Variants in AFTPH observed in about 807,000 individuals in gnomAD.
AFTPH encodes the protein aftiphilin.
AFTPH carries 7 observed loss-of-function variants against 72.5 expected under a neutral mutation model. That is an observed-to-expected ratio of 0.10 (90% CI 0.05 to 0.18). The LOEUF (loss-of-function observed/expected upper bound fraction) is 0.18. Among genes scored for constraint, AFTPH ranks in the 10% least tolerant of loss-of-function variants. The pLI, the probability that AFTPH is intolerant of heterozygous loss-of-function variation, is 1.00. For missense variants in AFTPH, 979 were observed against 1,060.5 expected, an observed-to-expected ratio of 0.92 and a Z score of 1.07; for synonymous variants, 337 against 370.1, an observed-to-expected ratio of 0.91 and a Z score of 1.03.
chr2:64,565,935 A>C (rs1672061477), intron 2 of AFTPH, among the ~76,000 whole-genome samples: 3 of 152,206 alleles, frequency 2.0e-5, no homozygotes, highest in Non-Finnish European at 4.4e-5. Flanking sequence ...ACATTGCCCA[A>C]GTGGTTGGAT....
chr2:64,587,552 A>G (rs759554298), intron 8 of AFTPH, among the ~76,000 whole-genome samples: 1 of 152,250 alleles, frequency 6.6e-6, no homozygotes, highest in Non-Finnish European at 1.5e-5. Context: ...AAGCTCAGCA[A>G]AATCTTCTTG....
intron 8 of AFTPH, among the ~76,000 whole-genome samples, chr2:64,590,681 C>T (rs1185297722): frequency 6.6e-6 from 1 of 152,168 alleles, no homozygotes; most frequent in Non-Finnish European, 1.5e-5. Flanking sequence ...GTACTGAATG[C>T]AGTATTTGGT....
At chr2:64,579,568 C>T (rs1289586348) in intron 7 of AFTPH, 22 bp downstream of exon 7, 1 of 1,605,002 alleles carries the variant, frequency 6.2e-7, no homozygotes, top group Non-Finnish European at 8.5e-7. Context: ...CGTAGAGCCT[C>T]TAGCACCAGA....
chr2:64,533,190 G>T (rs1227814214), intron 1 of AFTPH, among the ~76,000 whole-genome samples: 1 of 152,088 alleles, frequency 6.6e-6, no homozygotes, highest in Non-Finnish European at 1.5e-5. Flanking sequence ...TTGAGCTCCA[G>T]AGTTTGAGAC....
intron 5 of AFTPH, among the ~76,000 whole-genome samples, chr2:64,570,128 T>G (rs1369037797): frequency 6.6e-6 from 1 of 152,204 alleles, no homozygotes; most frequent in Non-Finnish European, 1.5e-5. Flanking sequence ...GGACTCATAA[T>G]GGGTTCTTAG....
chr2:64,579,385 T>C (rs1573034964), intron 6 of AFTPH, 101 bp from the exon 7 acceptor site: 2 of 831,942 alleles, frequency 2.4e-6, no homozygotes, highest in African/African-American at 3.4e-5. Flanking sequence ...CTTTAGGTAC[T>C]TTGTTGCCTA....
intron 8 of AFTPH, among the ~76,000 whole-genome samples, chr2:64,591,410 G>A (rs1673816535): frequency 6.6e-6 from 1 of 152,256 alleles, no homozygotes; most frequent in Non-Finnish European, 1.5e-5. Context: ...CCCCACTGGG[G>A]ATAAAGAGAG....
chr2:64,537,724 T>C (rs2103838230), intron 1 of AFTPH, among the ~76,000 whole-genome samples: 1 of 152,362 alleles, frequency 6.6e-6, no homozygotes, highest in East Asian at 1.9e-4. Flanking sequence ...GAAGGTAGTA[T>C]GAATTTGAAA....
At chr2:64,547,017 C>G (rs1268732133) in intron 1 of AFTPH, among the ~76,000 whole-genome samples, 2 of 152,132 alleles carry the variant, frequency 1.3e-5, no homozygotes, top group African/African-American at 2.4e-5. Flanking sequence ...CCACTGCACT[C>G]CAGCCTGGGC....
chr2:64,537,159 A>G (rs1401383056), intron 1 of AFTPH, among the ~76,000 whole-genome samples: 1 of 152,166 alleles, frequency 6.6e-6, no homozygotes, highest in Non-Finnish European at 1.5e-5. Context: ...ACTGGAATCA[A>G]TACTTTGTGG....
intron 2 of AFTPH, among the ~76,000 whole-genome samples, chr2:64,555,817 C>G (rs568248292): frequency 6.6e-6 from 1 of 152,088 alleles, no homozygotes; most frequent in Admixed American, 6.6e-5. Context: ...TCGTTCTTAC[C>G]CTGCTGTTGT....
At chr2:64,592,134 AAT>A in exon 9 of AFTPH, 3 of 1,232,590 alleles carry the variant, frequency 2.4e-6, no homozygotes, top group Non-Finnish European at 3.3e-6. Flanking sequence ...AAAAAAAAAA[AAT>A]TCAAGTTCAG....
intron 1 of AFTPH, among the ~76,000 whole-genome samples, chr2:64,550,913 A>G (rs551741915): frequency 6.6e-6 from 1 of 152,320 alleles, no homozygotes; most frequent in Non-Finnish European, 1.5e-5. Flanking sequence ...AACTATTTCA[A>G]ATTATTAAGT....
intron 1 of AFTPH, 150 bp from the exon 2 acceptor site, chr2:64,551,293 A>C: frequency 9.8e-6 from 6 of 612,306 alleles, no homozygotes; most frequent in Non-Finnish European, 1.6e-5. Flanking sequence ...AAAAGATACA[A>C]AACATCATGC....
chr2:64,540,902 A>G (rs911413426), intron 1 of AFTPH, among the ~76,000 whole-genome samples: 6 of 152,032 alleles, frequency 3.9e-5, no homozygotes, highest in Non-Finnish European at 8.8e-5. Context: ...TTCCCCTTCC[A>G]AGTTACTTGG....
intron 1 of AFTPH, among the ~76,000 whole-genome samples, chr2:64,550,730 C>CACACAA (rs1299044267): frequency 2.1e-5 from 3 of 140,262 alleles, no homozygotes; most frequent in East Asian, 4.2e-4. Context: ...CACACACACA[C>CACACAA]AACTGGTGAA....
At chr2:64,531,752 TA>T (rs1323726160) in intron 1 of AFTPH, among the ~76,000 whole-genome samples, 1 of 152,202 alleles carries the variant, frequency 6.6e-6, no homozygotes, top group Non-Finnish European at 1.5e-5. Flanking sequence ...GGTCACATGT[TA>T]AAATAATATT....
chr2:64,536,588 A>T (rs1362159701), intron 1 of AFTPH, among the ~76,000 whole-genome samples: 1 of 136,536 alleles, frequency 7.3e-6, no homozygotes, highest in Non-Finnish European at 1.6e-5. Flanking sequence ...AAAAAAAAAA[A>T]AGAATATAGA....
At chr2:64,588,557 G>A (rs985259190) in intron 8 of AFTPH, among the ~76,000 whole-genome samples, 2 of 152,166 alleles carry the variant, frequency 1.3e-5, no homozygotes, top group African/African-American at 2.4e-5. Context: ...TACATTCCAA[G>A]TTCTCCACAT....
Sources: gnomAD v4.1 joint callset for allele counts (sites outside exome capture counted in the v4.1 genomes callset) on GRCh38, gnomAD v4.1.1 for gene constraint, MANE v1.5 for transcripts, NCBI Gene and HGNC (gene_info 2026-07-23, HGNC 2026-07-21) for gene names.